Variants in FAT1 observed in about 807,000 individuals in gnomAD.
FAT1 encodes the protein protocadherin Fat 1.
A neutral mutation model predicts 329.8 loss-of-function variants in FAT1; 171 were observed. The ratio of observed to expected loss-of-function variants is 0.52; its 90% CI spans 0.46 to 0.59. FAT1 has a LOEUF of 0.59. Ranked by LOEUF, FAT1 falls within the 20% of genes least tolerant of loss-of-function variation. FAT1 has a pLI of 0.00. For synonymous variants in FAT1, 2,233 were observed against 2,228.6 expected, an observed-to-expected ratio of 1.00 and a Z score of -0.06; for missense variants, 5,672 against 5,774.4, an observed-to-expected ratio of 0.98 and a Z score of 0.57.
At chr4:186,716,994 T>C (rs946944749) in intron 1 of FAT1, among the ~76,000 whole-genome samples, 16 of 152,152 alleles carry the variant, frequency 1.1e-4, no homozygotes, top group African/African-American at 3.9e-4. Flanking sequence ...CTCGAATTCC[T>C]GGCTGCAAGT....
chr4:186,706,388 A>G (rs1230973069), intron 2 of FAT1, among the ~76,000 whole-genome samples, 175 bp downstream of exon 2: 1 of 152,068 alleles, frequency 6.6e-6, no homozygotes, highest in Non-Finnish European at 1.5e-5. Context: ...ATGGCTTACT[A>G]CGAATAAACA....
chr4:186,641,051 C>T (rs750533929), intron 3 of FAT1, among the ~76,000 whole-genome samples: 1 of 152,206 alleles, frequency 6.6e-6, no homozygotes, highest in Non-Finnish European at 1.5e-5. Flanking sequence ...ATAATCTTTA[C>T]TAATTTCACA....
chr4:186,599,803 A>C (rs1738708367), intron 22 of FAT1, 95 bp downstream of exon 22: 11 of 969,520 alleles, frequency 1.1e-5, no homozygotes, highest in Non-Finnish European at 1.7e-5. Context: ...AATTATCTGA[A>C]TCAAAAGAGA....
At chr4:186,627,376 G>T (rs548316164) in intron 9 of FAT1, among the ~76,000 whole-genome samples, 2 of 152,306 alleles carry the variant, frequency 1.3e-5, no homozygotes, top group East Asian at 3.9e-4. Flanking sequence ...CCCACAGAAT[G>T]AATGAATGAA....
intron 3 of FAT1, among the ~76,000 whole-genome samples, chr4:186,641,729 G>A (rs1236624376): frequency 6.6e-6 from 1 of 152,166 alleles, no homozygotes; most frequent in Non-Finnish European, 1.5e-5. Flanking sequence ...TAAAAAGGCT[G>A]GGCATGGTGG....
intron 1 of FAT1, among the ~76,000 whole-genome samples, chr4:186,718,863 A>T (rs1385049529): frequency 6.6e-6 from 1 of 152,004 alleles, no homozygotes; most frequent in Non-Finnish European, 1.5e-5. Flanking sequence ...CCACCCTGGC[A>T]GAACAGCCGT....
At chr4:186,590,455 G>A (rs1349174890) in intron 26 of FAT1, 6 of 1,203,526 alleles carry the variant, frequency 5.0e-6, no homozygotes, top group African/African-American at 3.1e-5. Flanking sequence ...TAAAACAGTC[G>A]GCTGAAAAGG....
In FAT1 at chr4:186,706,652, T is replaced by C. The variant is rs1243767783; in HGVS notation, c.3176A>G (p.His1059Arg). Residue 1059 changes from histidine (H) to arginine (R), a missense_variant, in exon 2 of 27, where the codon CAT becomes CGT. By Grantham distance (29) the His-to-Arg change is conservative. Around this residue, in one of 2 missense-constraint regions of FAT1, gnomAD observed 3,966 missense variants for 3,915.2 expected, o/e 1.01. Coordinates refer to ENST00000441802, the MANE Select transcript of FAT1 (RefSeq NM_005245.4). ...VGSLVMTVSAHDEDARRDGEI... is the reference protein window; with the variant it reads ...VGSLVMTVSARDEDARRDGEI... Reference sequence around the variant, plus strand: ...CCCATCTCTTCTGGCGTCCTCATCATGAGCCGACACCGTCATTACCAATGA... The same window carrying C: ...CCCATCTCTTCTGGCGTCCTCATCACGAGCCGACACCGTCATTACCAATGA... 6.2e-6 allele frequency: 10 copies of C among 1,613,902 alleles called. No homozygotes were observed. The highest frequency in any genetic ancestry group is 1.3e-5 in the African/African-American group (1 of 74,934).
chr4:186,615,253 T>C (rs895884702), intron 11 of FAT1, among the ~76,000 whole-genome samples: 4 of 152,098 alleles, frequency 2.6e-5, no homozygotes, highest in Non-Finnish European at 4.4e-5. Context: ...TCTGAAAATA[T>C]AAAGTACAAA....
intron 2 of FAT1, among the ~76,000 whole-genome samples, chr4:186,705,535 T>C (rs556221204): frequency 1.3e-4 from 20 of 152,314 alleles, no homozygotes; most frequent in Admixed American, 5.2e-4. Flanking sequence ...GGGCAGGACA[T>C]GAAAAGCCAA....
intron 3 of FAT1, among the ~76,000 whole-genome samples, chr4:186,659,212 G>C (rs1304813765): frequency 6.6e-6 from 1 of 152,130 alleles, no homozygotes; most frequent in African/African-American, 2.4e-5. Context: ...TGTGTAGTAG[G>C]CTAGACCATC....
intron 2 of FAT1, among the ~76,000 whole-genome samples, chr4:186,685,325 C>T (rs908072772): frequency 1.3e-5 from 2 of 152,164 alleles, no homozygotes; most frequent in African/African-American, 4.8e-5. Flanking sequence ...CCGTAGAGAA[C>T]GTTAAACCAC....
intron 15 of FAT1, among the ~76,000 whole-genome samples, 193 bp downstream of exon 15, chr4:186,609,608 A>G (rs1042830903): frequency 3.9e-5 from 6 of 152,010 alleles, no homozygotes; most frequent in Non-Finnish European, 5.9e-5. Context: ...TTTAGTAGAG[A>G]CAGGGTTAGC....
chr4:186,595,695 C>G lies in FAT1; in HGVS notation c.13132G>C (p.Asp4378His). 1 of 1,613,936 alleles carries G rather than the reference C, an allele frequency of 6.2e-7. No homozygotes were observed. Among genetic ancestry groups the G allele is most frequent in the Non-Finnish European group, 8.5e-7 (1 of 1,179,864 alleles). The change falls in exon 26 of 27, where the codon GAC (aspartate) becomes CAC (histidine). Residue 4378 changes from aspartate (D) to histidine (H), a missense_variant. By Grantham distance (81) the Asp-to-His change is moderately conservative. Coordinates refer to ENST00000441802, the MANE Select transcript of FAT1 (RefSeq NM_005245.4). ...CAGCACACTGCTGCCTCACCATTGT[C>G]ATCGCACGATTCGGACTGGAAGGAG... ...LSSFQSESCDDNGYHWDTSDW... is the reference protein window; with the variant it reads ...LSSFQSESCDHNGYHWDTSDW...
chr4:186,660,188 C>T (rs745613213), intron 3 of FAT1, among the ~76,000 whole-genome samples: 1 of 152,074 alleles, frequency 6.6e-6, no homozygotes, highest in Non-Finnish European at 1.5e-5. Flanking sequence ...TCCTACCGGA[C>T]GGACTTTCAT....
rs2126514956 is a variant in FAT1, at chr4:186,620,366, G to C, written c.6220C>G (p.Gln2074Glu). ...ACAAACACCGGCGCATTATCATTTT[G>C]GTCTTCTACAATGACCTTCACGACA... ...HVVVKVIVED[Q>E]NDNAPVFVNL... The change falls in exon 10 of 27, where the codon CAA becomes GAA. Residue 2074 changes from glutamine (Q) to glutamate (E), a missense_variant. Gln to Glu is a conservative substitution (Grantham distance 29). This residue lies in a region of FAT1 where 3,966 missense variants were observed against 3,915.2 expected (regional missense o/e 1.01). Transcript: ENST00000441802. 1 of 1,613,908 alleles carries C rather than the reference G, an allele frequency of 6.2e-7. No individual in the cohort carries two copies. Among genetic ancestry groups the C allele is most frequent in the Non-Finnish European group, 8.5e-7 (1 of 1,179,876 alleles).
Position 186,707,404 on chromosome 4 carries a change from T to C in FAT1, c.2424A>G (p.Leu808=), listed in dbSNP as rs1449535151. Residue 808 remains leucine (L), a synonymous_variant, in exon 2 of 27, where the codon CTA becomes CTG. Coordinates refer to ENST00000441802, the MANE Select transcript of FAT1 (RefSeq NM_005245.4). ...CATTGGCATCGACAACCACGACATG[T>C]AGAAGACGCCACGCAGCCTTCTGGG... ...GIPQKAAWRL[L]HVVVVDANDN... 8.1e-6 allele frequency: 13 copies of C among 1,613,896 alleles called. No individual in the cohort carries two copies. The highest frequency in any genetic ancestry group is 1.1e-5 in the Non-Finnish European group (13 of 1,179,906).
chr4:186,629,596 T>C (rs1297859272), intron 7 of FAT1, among the ~76,000 whole-genome samples: 1 of 152,160 alleles, frequency 6.6e-6, no homozygotes, highest in Non-Finnish European at 1.5e-5. Context: ...CTGCGCTTCG[T>C]GGGGGCATAT....
rs1008215655 is a variant in FAT1 at position 186,588,184 on chromosome 4, T to C, written c.*408A>G. ...TGGCACTGACACCACCAAAATTCAGTTGAAACAAATGCACAAAATATCTTG... is the reference window on the plus strand; with the variant it reads ...TGGCACTGACACCACCAAAATTCAGCTGAAACAAATGCACAAAATATCTTG... On this transcript the variant is annotated 3_prime_UTR_variant, in exon 27 of 27. Coordinates refer to ENST00000441802, the MANE Select transcript of FAT1 (RefSeq NM_005245.4). 6 of 231,278 alleles carry C rather than the reference T, an allele frequency of 2.6e-5. No individual in the cohort carries two copies. The highest frequency in any genetic ancestry group is 5.1e-5 in the Non-Finnish European group (6 of 117,592). The allele number at this position is 231,278 out of a possible 1,614,324, so 14.3% of individuals were successfully genotyped here. A position where few individuals can be genotyped will look rare whatever the true frequency, so the allele number is the denominator to read the frequency against.
Sources: gnomAD v4.1 joint callset for allele counts (sites outside exome capture counted in the v4.1 genomes callset) on GRCh38, gnomAD v4.1.1 for gene constraint, gnomAD v4.1.1 regional missense constraint, MANE v1.5 for transcripts, NCBI Gene and HGNC (gene_info 2026-07-23, HGNC 2026-07-21) for gene names.